The following FBN1 variants were observed in gnomAD, a reference collection of about 807,000 sequenced individuals.
The protein encoded by FBN1 is fibrillin-1.
In FBN1, 29 loss-of-function variants were observed where a neutral mutation model predicts 365.1. That is an observed-to-expected ratio of 0.08 (90% confidence interval 0.06 to 0.11). The LOEUF (loss-of-function observed/expected upper bound fraction) is 0.11, where lower values mean the gene tolerates loss of function less well. FBN1 is among the 10% of genes least tolerant of loss of function. FBN1 has a pLI of 1.00. For synonymous variants in FBN1, 1,210 were observed against 1,270.5 expected, an observed-to-expected ratio of 0.95 and a Z score of 1.01; for missense variants, 2,476 against 3,703.2, an observed-to-expected ratio of 0.67 and a Z score of 8.60.
At chr15:48,462,887 T>C (rs2043290078) in intron 42 of FBN1, among the ~76,000 whole-genome samples, 195 bp downstream of exon 42, 1 of 152,196 alleles carries the variant, frequency 6.6e-6, no homozygotes, top group African/African-American at 2.4e-5. Context: ...AGGGTATACA[T>C]TAGAAAACAT....
chr15:48,505,228 C>G, intron 15 of FBN1, 81 bp from the exon 16 acceptor site: 1 of 1,545,548 alleles, frequency 6.5e-7, no homozygotes, highest in Middle Eastern at 1.8e-4. Flanking sequence ...TGTTTTAACC[C>G]TTGAAAATGG....
rs375364178 is a variant in FBN1, at chr15:48,508,510, T to C, written c.1837+72A>G. 3.6e-5 allele frequency: 58 copies of C among 1,599,246 alleles called. 1 individual carries two copies. Among genetic ancestry groups the C allele is most frequent in the East Asian group, 3.4e-4 (15 of 44,680 alleles). On this transcript the variant is annotated intron_variant, in intron 15 of 65. Coordinates refer to ENST00000316623, the MANE Select transcript of FBN1 (RefSeq NM_000138.5). Reference sequence around the variant, plus strand: ...AGTGGGGAGAATCAGTAAAGAAAGGTAGTACCTCTAAACAACATAAGGAGG... The same window carrying C: ...AGTGGGGAGAATCAGTAAAGAAAGGCAGTACCTCTAAACAACATAAGGAGG...
At chr15:48,633,501 G>A (rs967982640) in intron 2 of FBN1, among the ~76,000 whole-genome samples, 1 of 152,130 alleles carries the variant, frequency 6.6e-6, no homozygotes, top group Non-Finnish European at 1.5e-5. Flanking sequence ...GATTCCCGGA[G>A]AAGACTATTT....
chr15:48,534,231 A>T, intron 7 of FBN1, 26 bp from the exon 8 acceptor site: 1 of 882,724 alleles, frequency 1.1e-6, no homozygotes, highest in Non-Finnish European at 1.6e-6. Context: ...AGACAGAGAG[A>T]AAAAAAAAAA....
At chr15:48,439,431 G>A (rs1335371614) in intron 50 of FBN1, among the ~76,000 whole-genome samples, 1 of 152,184 alleles carries the variant, frequency 6.6e-6, no homozygotes, top group African/African-American at 2.4e-5. Context: ...GAAACTTCAA[G>A]ACTGAACAAA....
intron 60 of FBN1, among the ~76,000 whole-genome samples, chr15:48,423,356 A>G (rs924788911): frequency 3.3e-5 from 5 of 152,160 alleles, no homozygotes; most frequent in Admixed American, 6.5e-5. Flanking sequence ...ACCTACACTG[A>G]GAGACCCTCC....
At chr15:48,591,259 A>G (rs1327068299) in intron 6 of FBN1, among the ~76,000 whole-genome samples, 1 of 152,216 alleles carries the variant, frequency 6.6e-6, no homozygotes, top group East Asian at 1.9e-4. Context: ...ACAGTAAATT[A>G]CTGTAGGCTG....
chr15:48,420,460 G>A (rs536471778), intron 63 of FBN1, among the ~76,000 whole-genome samples: 2 of 152,054 alleles, frequency 1.3e-5, no homozygotes, highest in East Asian at 3.9e-4. Context: ...GAAATTCTGG[G>A]GGCATTTCAT....
rs1056364972 is a variant in FBN1, at chr15:48,627,629, G to A, written c.165-14537C>T. 2.7e-5 allele frequency among the ~76,000 whole-genome samples: 4 copies of A among 149,882 alleles called. No individual in the cohort carries two copies. In the South Asian group the frequency reaches 8.5e-4, roughly 32 times the overall value. ...GCTCGAAGGCCTGGGTGATCCAGAT[G>A]ATCTTCTAAAAAAAACCCTCCAATT... On this transcript the variant is annotated intron_variant, in intron 2 of 65. Coordinates refer to ENST00000316623, the MANE Select transcript of FBN1 (RefSeq NM_000138.5).
intron 43 of FBN1, among the ~76,000 whole-genome samples, chr15:48,457,919 G>C (rs568763579): frequency 2.4e-4 from 37 of 152,178 alleles, no homozygotes; most frequent in African/African-American, 8.9e-4. Flanking sequence ...AGGCCATCCT[G>C]CCTCCCTTAT....
intron 6 of FBN1, among the ~76,000 whole-genome samples, chr15:48,564,588 A>G (rs1271642320): frequency 1.3e-5 from 2 of 152,126 alleles, no homozygotes; most frequent in Non-Finnish European, 2.9e-5. Context: ...ATTAATTAAA[A>G]AGCAAAAATC....
chr15:48,526,387 G>T, intron 8 of FBN1, 132 bp from the exon 9 acceptor site: 3 of 904,130 alleles, frequency 3.3e-6, no homozygotes, highest in Non-Finnish European at 5.2e-6. Flanking sequence ...AGTAAAAACC[G>T]CATGGAGAAC....
chr15:48,490,278 C>G (rs1032989607), intron 24 of FBN1, among the ~76,000 whole-genome samples, 200 bp from the exon 25 acceptor site: 3 of 152,142 alleles, frequency 2.0e-5, no homozygotes, highest in African/African-American at 7.2e-5. Flanking sequence ...TTTGTCAGCC[C>G]ATGTTTGCAC....
intron 60 of FBN1, among the ~76,000 whole-genome samples, chr15:48,422,828 G>C (rs1341504864): frequency 2.6e-5 from 4 of 152,054 alleles, no homozygotes; most frequent in Non-Finnish European, 5.9e-5. Flanking sequence ...GTGTGGTGGT[G>C]TGTGCATGTA....
chr15:48,510,766 CT>C (rs1032674989), intron 13 of FBN1, among the ~76,000 whole-genome samples: 2 of 152,054 alleles, frequency 1.3e-5, no homozygotes, highest in African/African-American at 2.4e-5. Flanking sequence ...GGTATTTTTC[CT>C]TTTTTTCTAT....
chr15:48,454,474 A>G (rs1459910682), intron 44 of FBN1, among the ~76,000 whole-genome samples: 1 of 152,216 alleles, frequency 6.6e-6, no homozygotes, highest in Non-Finnish European at 1.5e-5. Context: ...AACAACAACA[A>G]AAAACAGATA....
intron 40 of FBN1, among the ~76,000 whole-genome samples, chr15:48,464,913 C>T (rs544311915): frequency 2.4e-4 from 37 of 152,280 alleles, no homozygotes; most frequent in African/African-American, 8.9e-4. Flanking sequence ...AATAAGGTTG[C>T]CATTGTCTGG....
At chr15:48,586,106 C>G (rs1394263959) in intron 6 of FBN1, among the ~76,000 whole-genome samples, 1 of 152,084 alleles carries the variant, frequency 6.6e-6, no homozygotes, top group African/African-American at 2.4e-5. Flanking sequence ...GAGTACATAT[C>G]CCCAGAGACA....
chr15:48,563,356 T>A (rs1357140834), intron 6 of FBN1, among the ~76,000 whole-genome samples: 1 of 151,948 alleles, frequency 6.6e-6, no homozygotes. Context: ...GTTAGGTAAA[T>A]AAATTAATTA....
Sources: allele counts gnomAD v4.1 joint callset (sites outside exome capture counted in the v4.1 genomes callset), GRCh38; gene constraint gnomAD v4.1.1; transcripts MANE v1.5; gene names NCBI Gene and HGNC (gene_info 2026-07-23, HGNC 2026-07-21).